Variants in TECTA observed in about 807,000 individuals in gnomAD.
TECTA encodes tectorin alpha.
A neutral mutation model predicts 216.8 loss-of-function variants in TECTA; 128 were observed. The observed-to-expected ratio is 0.59, with a 90% CI of 0.51 to 0.68. The LOEUF (loss-of-function observed/expected upper bound fraction) is 0.68. Among genes scored for constraint, TECTA ranks in the 30% least tolerant of loss-of-function variants. The probability of loss-of-function intolerance (pLI) is 0.00; values close to 1 mark genes in which losing one functional copy is unlikely to be tolerated. For synonymous variants in TECTA, 1,089 were observed against 1,117.1 expected (o/e 0.97, Z 0.50); for missense variants, 2,551 against 2,786.2 (o/e 0.92, Z 1.90).
In TECTA at chr11:121,145,810, G is replaced by A; in HGVS notation, c.3799G>A (p.Gly1267Arg). ...GCTTGCATCGAGTGTCAATGAGTTTGGGCAGAGCTGGGTGAAGAGGGACAC... is the reference window on the plus strand; with the variant it reads ...GCTTGCATCGAGTGTCAATGAGTTTAGGCAGAGCTGGGTGAAGAGGGACAC... ...GLLASSVNEF[G>R]QSWVKRDTFC... The change falls in exon 12 of 24, where the codon GGG (glycine) becomes AGG (arginine). Residue 1267 changes from glycine (G) to arginine (R), a missense_variant. By Grantham distance (125) the Gly-to-Arg change is moderately radical. Transcript: ENST00000392793. 6.2e-7 allele frequency: 1 copy of A among 1,614,148 alleles called. No homozygotes were observed. The highest frequency in any genetic ancestry group is 1.1e-5 in the South Asian group (1 of 91,074).
rs759833228 is a variant in TECTA at position 121,145,885 on chromosome 11, G to C, written c.3874G>C (p.Glu1292Gln). ...CCGCTGTCCGTCCTGTGCCAAGGTG[G>C]AAGGTTTCTCCAAAGTGCAGCAGCT... Reference protein sequence around the residue: ...GDRCPSCAKVEGFSKVQQLCS... With the variant: ...GDRCPSCAKVQGFSKVQQLCS... The change falls in exon 12 of 24, where the codon GAA becomes CAA. Residue 1292 changes from glutamate to glutamine, a missense_variant. By Grantham distance (29) the Glu-to-Gln change is conservative (BLOSUM62 2). Transcript: ENST00000392793. The C allele has an allele frequency of 6.2e-7, 1 of 1,614,246 alleles. No homozygotes were observed. Among genetic ancestry groups the C allele is most frequent in the Non-Finnish European group, 8.5e-7 (1 of 1,180,040 alleles).
intron 6 of TECTA, among the ~76,000 whole-genome samples, chr11:121,115,777 C>T (rs1946496342): frequency 6.6e-6 from 1 of 152,160 alleles, no homozygotes; most frequent in African/African-American, 2.4e-5. Flanking sequence ...CCTCTCACCT[C>T]AGTCTCCTGA....
intron 14 of TECTA, 35 bp downstream of exon 14, chr11:121,158,259 C>T (rs1054532001): frequency 6.2e-7 from 1 of 1,605,782 alleles, no homozygotes; most frequent in Admixed American, 1.7e-5. Context: ...AAGAAGGGGC[C>T]CGGAAACAAG....
intron 11 of TECTA, among the ~76,000 whole-genome samples, chr11:121,140,617 G>A (rs1164514229): frequency 2.0e-5 from 3 of 152,166 alleles, no homozygotes; most frequent in Admixed American, 2.0e-4. Context: ...CAAGGTGGCA[G>A]CAGGTTCACA....
chr11:121,146,191 T>A, intron 12 of TECTA, 75 bp downstream of exon 12: 1 of 1,552,670 alleles, frequency 6.4e-7, no homozygotes, highest in Admixed American at 1.7e-5. Context: ...GTCTTCCAAC[T>A]CCCTAGAAGT....
chr11:121,131,213 C>CAAAAAAAAAAAAAAA (rs10683692), intron 10 of TECTA, among the ~76,000 whole-genome samples: 1 of 70,832 alleles, frequency 1.4e-5, no homozygotes. Context: ...GACTCCATCT[C>CAAAAAAAAAAAAAAA]AAAAAAAAAA....
At chr11:121,190,594 T>A (rs1242969585) in intron 23 of TECTA, 112 bp from the exon 24 acceptor site, 2 of 835,610 alleles carry the variant, frequency 2.4e-6, no homozygotes, top group Non-Finnish European at 4.0e-6. Context: ...GTAAAATGGG[T>A]TCTTGGCAAT....
chr11:121,125,523 G>A lies in TECTA; in HGVS notation c.1425G>A (p.Pro475=), dbSNP rs149533095. 2.3e-4 allele frequency: 369 copies of A among 1,614,080 alleles called. No homozygotes were observed. The highest frequency in any genetic ancestry group is 4.7e-4 in the Admixed American group (28 of 60,010). ...ACCCACTGGATGACTTCCTCCGCCC[G>A]GATGGCAGGCCGGCCATGTCTGTCC... The part of the protein sequence containing the change: ...NKNPLDDFLR[P]DGRPAMSVLD... Residue 475 remains proline (P), a synonymous_variant, in exon 8 of 24, where the codon CCG becomes CCA. Coordinates refer to ENST00000392793, the MANE Select transcript of TECTA (RefSeq NM_005422.4).
intron 17 of TECTA, 37 bp from the exon 18 acceptor site, chr11:121,166,541 T>C (rs1947054619): frequency 6.2e-7 from 1 of 1,610,602 alleles, no homozygotes; most frequent in African/African-American, 1.3e-5. Flanking sequence ...CAAGACCGAC[T>C]CCACTGATTT....
intron 11 of TECTA, among the ~76,000 whole-genome samples, chr11:121,142,705 A>T (rs1946796131): frequency 6.6e-6 from 1 of 151,820 alleles, no homozygotes; most frequent in Admixed American, 6.6e-5. Context: ...CCATGGCCTG[A>T]TCTCACTCCT....
intron 20 of TECTA, among the ~76,000 whole-genome samples, chr11:121,180,604 G>A (rs1015902406): frequency 2.0e-5 from 3 of 151,858 alleles, no homozygotes; most frequent in Non-Finnish European, 2.9e-5. Flanking sequence ...ACAATTTTTC[G>A]GTTGAATCAA....
chr11:121,185,285 TAATG>T (rs1189777289), intron 20 of TECTA, among the ~76,000 whole-genome samples: 1 of 152,186 alleles, frequency 6.6e-6, no homozygotes, highest in Non-Finnish European at 1.5e-5. Flanking sequence ...GTTCAATGCT[TAATG>T]AATGAGTAGG....
chr11:121,141,502 G>C (rs528713733), intron 11 of TECTA, among the ~76,000 whole-genome samples: 6 of 152,200 alleles, frequency 3.9e-5, no homozygotes, highest in African/African-American at 1.4e-4. Flanking sequence ...GACCAGACAG[G>C]GTAGGGGGGT....
intron 11 of TECTA, among the ~76,000 whole-genome samples, chr11:121,145,243 A>C (rs187283477): frequency 2.6e-5 from 4 of 152,238 alleles, no homozygotes; most frequent in African/African-American, 9.6e-5. Context: ...TTCAGTCTAA[A>C]CTTTAATTGA....
rs746853426 is a variant in TECTA at position 121,137,402 on chromosome 11, TCTC to T, written c.2942-16_2942-14del. The T allele has an allele frequency of 2.0e-5, 32 of 1,613,638 alleles. No individual in the cohort carries two copies. The South Asian group carries it at 3.3e-4, about 17-fold the overall frequency. ...TTTTGTCCTTTTCTCAAACCCGTCT[TCTC>T]CTTGACCACCTGCAGCACTGGAGTG... On this transcript the variant is annotated splice_polypyrimidine_tract_variant and intron_variant, in intron 10 of 23. Coordinates refer to ENST00000392793, the MANE Select transcript of TECTA (RefSeq NM_005422.4).
chr11:121,173,585 T>G (rs7127012), intron 20 of TECTA, among the ~76,000 whole-genome samples: 24,647 of 117,544 alleles, frequency 0.21, 3,176 homozygotes, highest in African/African-American at 0.39. Flanking sequence ...CTGTTCTGGT[T>G]ACTGTAGCCT....
Position 121,189,897 on chromosome 11 carries a change from C to T in TECTA, c.6367+17C>T, listed in dbSNP as rs370808434. The stretch of plus-strand genomic sequence containing the variant: ...GCTGCAGAGGTAGACACTCTTCTAC[C>T]CTGGGGCAGGCAGCTGGGAGACACG... On this transcript the variant is annotated intron_variant, in intron 23 of 23. Transcript: ENST00000392793. 1 of 1,604,738 alleles carries T rather than the reference C, an allele frequency of 6.2e-7. No homozygotes were observed. The highest frequency in any genetic ancestry group is 8.5e-7 in the Non-Finnish European group (1 of 1,173,256).
chr11:121,152,547 T>G (rs1342763194), intron 12 of TECTA, among the ~76,000 whole-genome samples: 1 of 152,104 alleles, frequency 6.6e-6, no homozygotes, highest in Non-Finnish European at 1.5e-5. Context: ...TGGGAGGTTA[T>G]CAGGTGACAT....
intron 9 of TECTA, 80 bp downstream of exon 9, chr11:121,128,424 C>A: frequency 7.2e-7 from 1 of 1,382,478 alleles, no homozygotes; most frequent in Non-Finnish European, 9.9e-7. Flanking sequence ...TCAGGTTTGC[C>A]TTTCTGCCTC....
Sources: gnomAD v4.1 joint callset for allele counts (sites outside exome capture counted in the v4.1 genomes callset) on GRCh38, gnomAD v4.1.1 for gene constraint, MANE v1.5 for transcripts, NCBI Gene and HGNC (gene_info 2026-07-23, HGNC 2026-07-21) for gene names.